Variants in KDM2B observed in about 807,000 individuals in gnomAD.
KDM2B encodes the protein lysine-specific demethylase 2B.
In KDM2B, 26 loss-of-function variants were observed where a neutral mutation model predicts 150.0. The observed-to-expected ratio is 0.17, with a 90% CI of 0.13 to 0.24. The LOEUF (loss-of-function observed/expected upper bound fraction) is 0.24, where lower values mean the gene tolerates loss of function less well. Ranked by LOEUF, KDM2B falls within the 10% of genes least tolerant of loss-of-function variation. The probability of loss-of-function intolerance (pLI) is 1.00; values close to 1 mark genes in which losing one functional copy is unlikely to be tolerated. For synonymous variants in KDM2B, 734 were observed against 729.5 expected, an observed-to-expected ratio of 1.01 and a Z score of -0.10; for missense variants, 1,265 against 1,816.9, an observed-to-expected ratio of 0.70 and a Z score of 5.52.
At chr12:121,488,337 AG>A (rs1882996005) in intron 12 of KDM2B, among the ~76,000 whole-genome samples, 1 of 152,154 alleles carries the variant, frequency 6.6e-6, no homozygotes, top group East Asian at 1.9e-4. Context: ...GGGCAGATTC[AG>A]GGTTACTTTT....
chr12:121,452,612 C>T lies in KDM2B; in HGVS notation c.1959+508G>A, dbSNP rs370152597. On this transcript the variant is annotated intron_variant, in intron 13 of 22. Coordinates refer to ENST00000377071, the MANE Select transcript of KDM2B (RefSeq NM_032590.5). This position sits in a 1 kb window ranked among gnomAD's most constrained non-coding sequence, Gnocchi z 4.4. ...CTCGCCCCGTTGCGAAGTCCATGTC[C>T]ACTGCCCTGTCTGGGGACGAGACCA... is the stretch of plus-strand genomic sequence containing the variant. 1.2e-3 allele frequency among the ~76,000 whole-genome samples: 184 copies of T among 152,390 alleles called. 1 individual carries two copies. In the South Asian group the frequency reaches 0.024, roughly 20 times the overall value.
chr12:121,571,069 T>C (rs1205518803), intron 4 of KDM2B, among the ~76,000 whole-genome samples: 1 of 152,040 alleles, frequency 6.6e-6, no homozygotes, highest in East Asian at 1.9e-4. Context: ...TGACACCAAG[T>C]GAAAGGAGCC....
chr12:121,465,390 C>A (rs1399171605), intron 12 of KDM2B, among the ~76,000 whole-genome samples: 2 of 152,144 alleles, frequency 1.3e-5, no homozygotes, highest in Non-Finnish European at 2.9e-5. Context: ...CCGGCCACCA[C>A]GCCGGGCTCA....
At chr12:121,541,455 G>C (rs532659850) in intron 6 of KDM2B, among the ~76,000 whole-genome samples, 1 of 143,400 alleles carries the variant, frequency 7.0e-6, no homozygotes, top group Admixed American at 7.0e-5. Context: ...GGGAGGGAGA[G>C]AGGGAGGGAA....
At chr12:121,554,086 A>AC (rs1566411557) in intron 4 of KDM2B, among the ~76,000 whole-genome samples, 3 of 88,436 alleles carry the variant, frequency 3.4e-5, no homozygotes, top group Admixed American at 1.1e-4. Context: ...CACACACACA[A>AC]ATTGGCCAAG....
chr12:121,541,917 G>A (rs144466355), intron 6 of KDM2B, among the ~76,000 whole-genome samples: 3 of 152,100 alleles, frequency 2.0e-5, no homozygotes, highest in East Asian at 1.9e-4. Flanking sequence ...TGAAAAAGGT[G>A]AGCCCATGTC....
At chr12:121,576,040 CAAGAG>C (rs1261287200) in intron 2 of KDM2B, among the ~76,000 whole-genome samples, 181 bp from the exon 3 acceptor site, 1 of 152,098 alleles carries the variant, frequency 6.6e-6, no homozygotes, top group Non-Finnish European at 1.5e-5. Context: ...AGGCAAAGCC[CAAGAG>C]AAGCCATGCC....
intron 2 of KDM2B, among the ~76,000 whole-genome samples, chr12:121,577,353 CAAATG>C (rs1267690166): frequency 6.6e-6 from 1 of 152,126 alleles, no homozygotes; most frequent in Non-Finnish European, 1.5e-5. Flanking sequence ...TAGGATCCAC[CAAATG>C]ACTCAACTCA....
At position 121,494,563 on chromosome 12, in the gene KDM2B, G is replaced by T. The variant is rs781885825; in HGVS notation, c.1734+16C>A. 2.5e-6 allele frequency: 4 copies of T among 1,606,356 alleles called. No individual in the cohort carries two copies. Among genetic ancestry groups the T allele is most frequent in the Non-Finnish European group, 3.4e-6 (4 of 1,174,800 alleles). On this transcript the variant is annotated intron_variant, in intron 12 of 22. Transcript: ENST00000377071. ...GGTGGGAAGCGGCCGCCCGCTGCAGGCAGGCTGCGTCTTACCTTTGGAGTC... is the reference window on the plus strand; with the variant it reads ...GGTGGGAAGCGGCCGCCCGCTGCAGTCAGGCTGCGTCTTACCTTTGGAGTC...
At chr12:121,457,739 T>TAGAC (rs1878483368) in intron 12 of KDM2B, among the ~76,000 whole-genome samples, 1 of 144,994 alleles carries the variant, frequency 6.9e-6, no homozygotes, top group South Asian at 2.2e-4. Context: ...ATCGGAAACA[T>TAGAC]ACACACACAC....
In KDM2B at chr12:121,467,349, G is replaced by T. The variant is rs1376865887; in HGVS notation, c.1735-14005C>A. The T allele has an allele frequency of 4.1e-5, 40 of 981,502 alleles. No homozygotes were observed. Among genetic ancestry groups the T allele is most frequent in the Admixed American group, 6.3e-5 (1 of 15,860 alleles). 60.8% of individuals were successfully genotyped at this position (981,502 alleles called of 1,614,324 possible). ...GGGCTCCCGCTGCCGCGAGGAGGGA[G>T]CCGCGCCGCGCGCCTCGCACGCCCG... On this transcript the variant is annotated intron_variant, in intron 12 of 22. Coordinates refer to ENST00000377071, the MANE Select transcript of KDM2B (RefSeq NM_032590.5). The surrounding 1 kb of genome is among the most constrained non-coding windows in gnomAD (Gnocchi z 5.1).
At position 121,490,142 on chromosome 12, in the gene KDM2B, G is replaced by A. The variant is rs554933732; in HGVS notation, c.1734+4437C>T. Among the ~76,000 whole-genome samples, 77 of 152,322 alleles carry A rather than the reference G, an allele frequency of 5.1e-4. 1 individual carries two copies. Among genetic ancestry groups the A allele is most frequent in the African/African-American group, 1.7e-3 (71 of 41,584 alleles). On this transcript the variant is annotated intron_variant, in intron 12 of 22. Coordinates refer to ENST00000377071, the MANE Select transcript of KDM2B (RefSeq NM_032590.5). ...CGGAGCAGGCCTCTGGGATGGAACG[G>A]ACCAACTTCGGAGGAAAGGGGAGAG...
intron 12 of KDM2B, among the ~76,000 whole-genome samples, chr12:121,493,619 C>T (rs1417716466): frequency 2.6e-5 from 4 of 152,198 alleles, no homozygotes; most frequent in East Asian, 1.9e-4. Context: ...CCAAACTGAC[C>T]GATCTTTGTG....
At chr12:121,490,699 T>C (rs1883251738) in intron 12 of KDM2B, among the ~76,000 whole-genome samples, 1 of 151,978 alleles carries the variant, frequency 6.6e-6, no homozygotes, top group South Asian at 2.1e-4. Context: ...TCAAAACAAA[T>C]CCTACACCAC....
chr12:121,457,741 C>G lies in KDM2B; in HGVS notation c.1735-4397G>C, dbSNP rs550617745. Among the ~76,000 whole-genome samples, 22 of 45,532 alleles carry G rather than the reference C, an allele frequency of 4.8e-4. 1 individual carries two copies. In the South Asian group the frequency reaches 0.012, roughly 24 times the overall value. 29.9% of individuals were successfully genotyped at this position (45,532 alleles called of 152,430 possible). A position where few individuals can be genotyped will look rare whatever the true frequency, so the allele number is the denominator to read the frequency against. On this transcript the variant is annotated intron_variant, in intron 12 of 22. Transcript: ENST00000377071. ...AAAGGTTAGGAAGATCGGAAACATACACACACACACACACACACACACACA... is the reference window on the plus strand; with the variant it reads ...AAAGGTTAGGAAGATCGGAAACATAGACACACACACACACACACACACACA...
chr12:121,531,201 C>T (rs1202747152), intron 8 of KDM2B, among the ~76,000 whole-genome samples: 3 of 152,092 alleles, frequency 2.0e-5, no homozygotes, highest in African/African-American at 7.2e-5. Context: ...GGGGTCGGTC[C>T]CTTCCCTGAG....
chr12:121,571,986 G>A (rs2136483903), intron 4 of KDM2B, among the ~76,000 whole-genome samples: 1 of 152,194 alleles, frequency 6.6e-6, no homozygotes, highest in South Asian at 2.1e-4. Context: ...CCAGGTGCAT[G>A]GTTCAAGACC....
At chr12:121,558,867 AGGCATGAACCAT>A (rs1378246801) in intron 4 of KDM2B, among the ~76,000 whole-genome samples, 1 of 152,178 alleles carries the variant, frequency 6.6e-6, no homozygotes, top group Non-Finnish European at 1.5e-5. Flanking sequence ...CTGGGATTAC[AGGCATGAACCAT>A]GGCACCCAGC....
At chr12:121,456,941 T>C (rs1269280962) in intron 12 of KDM2B, among the ~76,000 whole-genome samples, 3 of 152,210 alleles carry the variant, frequency 2.0e-5, no homozygotes, top group Non-Finnish European at 2.9e-5. Context: ...GGAAGGTTTC[T>C]GCTGCCGGCA....
Sources: gnomAD v4.1 joint callset for allele counts (sites outside exome capture counted in the v4.1 genomes callset) on GRCh38, gnomAD v4.1.1 for gene constraint, Gnocchi (gnomAD v3.1) non-coding constraint, MANE v1.5 for transcripts, NCBI Gene and HGNC (gene_info 2026-07-23, HGNC 2026-07-21) for gene names.